PECAM1: variants seen among roughly 807,000 people sequenced by gnomAD.
PECAM1 encodes the protein platelet endothelial cell adhesion molecule.
PECAM1 carries 8 observed loss-of-function variants against 13.8 expected under a neutral mutation model. The observed-to-expected ratio is 0.58, with a 90% CI of 0.34 to 1.05. PECAM1 has a LOEUF of 1.05. Among genes scored for constraint, PECAM1 ranks in the 50% least tolerant of loss-of-function variants. The pLI, the probability that PECAM1 is intolerant of heterozygous loss-of-function variation, is 0.03. For missense variants in PECAM1, 304 were observed against 141.2 expected (o/e 2.15, Z -5.84); for synonymous variants, 136 against 52.6 (o/e 2.58, Z -6.86).
rs974023285 is a variant in PECAM1, at chr17:64,390,786, T to C, written c.-121A>G. The C allele has an allele frequency of 1.1e-3, 451 of 399,178 alleles. 3 individuals are homozygous for C. Among genetic ancestry groups the C allele is most frequent in the African/African-American group, 8.6e-3 (421 of 48,760 alleles). 24.7% of individuals were successfully genotyped at this position (399,178 alleles called of 1,614,324 possible). ...GCCCTGTGAAAAGCAGAAATTGCTC[T>C]GGTCACTTCTCCCGGCGCCTGCAGA... On this transcript the variant is annotated 5_prime_UTR_variant, in exon 1 of 16. Coordinates refer to ENST00000563924, the MANE Select transcript of PECAM1 (RefSeq NM_000442.5).
At chr17:64,373,151 A>T (rs1233779265) in intron 4 of PECAM1, among the ~76,000 whole-genome samples, 7 of 150,152 alleles carry the variant, frequency 4.7e-5, no homozygotes, top group South Asian at 2.1e-4. Context: ...AAATAAAAAA[A>T]AAAGAAAATG....
At position 64,341,643 on chromosome 17, in the gene PECAM1, C is replaced by A; in HGVS notation, c.2155G>T (p.Ala719Ser). ...GGAGACCCTCACTCACCAGGGACAG[C>A]TTTCCGGACTTCACTGTACACTGTC... ...TETVYSEVRK[A>S]VPDAVESRYS... The change falls in exon 14 of 16, where the codon GCT becomes TCT. Residue 719 changes from alanine (A) to serine (S), a missense_variant. By Grantham distance (99) the Ala-to-Ser change is moderately conservative (BLOSUM62 1). Transcript: ENST00000563924. 2.2e-6 allele frequency: 1 copy of A among 453,606 alleles called. No homozygotes were observed. The highest frequency in any genetic ancestry group is 3.5e-5 in the Admixed American group (1 of 28,554). The allele number at this position is 453,606 out of a possible 1,614,324, so 28.1% of individuals were successfully genotyped here. A position where few individuals can be genotyped will look rare whatever the true frequency, so the allele number is the denominator to read the frequency against.
chr17:64,355,644 G>C (rs2035828947), intron 8 of PECAM1, among the ~76,000 whole-genome samples: 1 of 152,178 alleles, frequency 6.6e-6, no homozygotes, highest in Non-Finnish European at 1.5e-5. Flanking sequence ...ACTTTTTGTA[G>C]AGACAGGGTT....
At chr17:64,373,421 A>G (rs1037265302) in intron 4 of PECAM1, among the ~76,000 whole-genome samples, 119 of 152,070 alleles carry the variant, frequency 7.8e-4, no homozygotes, top group African/African-American at 2.8e-3. Flanking sequence ...ATAGATCTAT[A>G]TTTCTTCATA....
intron 2 of PECAM1, among the ~76,000 whole-genome samples, chr17:64,382,228 T>A (rs1343589389): frequency 6.6e-6 from 1 of 152,160 alleles, no homozygotes; most frequent in Non-Finnish European, 1.5e-5. Flanking sequence ...CTTCAGTACT[T>A]CCTCCTTCAT....
intron 5 of PECAM1, among the ~76,000 whole-genome samples, chr17:64,363,649 A>G (rs958515430): frequency 1.1e-4 from 17 of 152,162 alleles, no homozygotes; most frequent in African/African-American, 4.1e-4. Flanking sequence ...AGGATTAGAA[A>G]AGTTTTGCAA....
chr17:64,389,211 C>G (rs1302764517), intron 2 of PECAM1, among the ~76,000 whole-genome samples: 2 of 152,186 alleles, frequency 1.3e-5, no homozygotes, highest in Non-Finnish European at 2.9e-5. Context: ...CTCCAAAGAG[C>G]TGTGCAATTT....
In PECAM1 at chr17:64,374,653, G is replaced by A. The variant is rs989535457; in HGVS notation, c.691+398C>T. On this transcript the variant is annotated intron_variant, in intron 4 of 15. Coordinates refer to ENST00000563924, the MANE Select transcript of PECAM1 (RefSeq NM_000442.5). ...ACAAAAATTAGTCAGGTGTGGTGCT[G>A]CATGCCTGTAATCCCAGCTACTCCA... 7.3e-5 allele frequency among the ~76,000 whole-genome samples: 11 copies of A among 151,238 alleles called. No individual in the cohort carries two copies. In the East Asian group the frequency reaches 2.0e-3, roughly 27 times the overall value.
intron 15 of PECAM1, among the ~76,000 whole-genome samples, chr17:64,328,239 C>G (rs528444646): frequency 6.4e-4 from 97 of 150,556 alleles, no homozygotes; most frequent in African/African-American, 2.3e-3. Context: ...TGGGTGGACC[C>G]AGCCATGTTT....
chr17:64,376,853 G>A (rs891780866), intron 3 of PECAM1, among the ~76,000 whole-genome samples: 3 of 152,160 alleles, frequency 2.0e-5, no homozygotes, highest in Non-Finnish European at 2.9e-5. Flanking sequence ...GCGCGTGCCT[G>A]TAATCCCAGT....
Position 64,329,823 on chromosome 17 carries a change from G to A in PECAM1, c.2165-101C>T. On this transcript the variant is annotated intron_variant, in intron 14 of 15. Coordinates refer to ENST00000563924, the MANE Select transcript of PECAM1 (RefSeq NM_000442.5). ...CAGGAGCAGGTCGAGAAAAGAGGGA[G>A]GAGGCGAGAGCCAGGAGACATCAGC... The A allele has an allele frequency of 4.2e-6, 3 of 719,126 alleles. No homozygotes were observed. In the South Asian group the frequency reaches 4.4e-5, roughly 11 times the overall value. 44.5% of individuals were successfully genotyped at this position (719,126 alleles called of 1,614,324 possible).
chr17:64,323,904 C>T (rs782803697), intron 15 of PECAM1, 59 bp from the exon 16 acceptor site: 7 of 790,072 alleles, frequency 8.9e-6, no homozygotes, highest in Middle Eastern at 4.5e-4. Flanking sequence ...GAAGATTGCC[C>T]TGGTGGAGAG....
At position 64,363,096 on chromosome 17, in the gene PECAM1, C is replaced by T. The variant is rs908629929; in HGVS notation, c.1216+53G>A. The T allele has an allele frequency of 5.7e-4, 269 of 474,772 alleles. 2 individuals carry two copies. The highest frequency in any genetic ancestry group is 4.1e-3 in the African/African-American group (207 of 50,642). 29.4% of individuals were successfully genotyped at this position (474,772 alleles called of 1,614,324 possible). ...GAGGGCGGCAGCTGCAGATAAATTT[C>T]CTTTCTCCCATTCAACCCTGGATGT... On this transcript the variant is annotated intron_variant, in intron 6 of 15. Transcript: ENST00000563924.
intron 2 of PECAM1, chr17:64,378,895 T>C (rs1050158956): frequency 2.6e-5 from 4 of 152,260 alleles, no homozygotes; most frequent in Non-Finnish European, 1.5e-5. Flanking sequence ...ATACATTAAG[T>C]GCTTAATAAA....
At chr17:64,348,404 TTTC>T in intron 12 of PECAM1, 82 bp from the exon 13 acceptor site, 1 of 415,196 alleles carries the variant, frequency 2.4e-6, no homozygotes, top group East Asian at 3.4e-5. Flanking sequence ...GAGACTTTCT[TTTC>T]TTTTTTTTTT....
chr17:64,322,739 G>A lies in PECAM1; in HGVS notation c.*1077C>T, dbSNP rs908668435. On this transcript the variant is annotated 3_prime_UTR_variant, in exon 16 of 16. Transcript: ENST00000563924. ...TTTTGTTTTTTGTTTTTTTTGAGAT[G>A]GATTCTCACTCTGTCACTCAGGCTG... is the stretch of plus-strand genomic sequence containing the variant. The A allele has an allele frequency of 1.4e-5, 13 of 936,904 alleles. No homozygotes were observed. The highest frequency in any genetic ancestry group is 5.4e-4 in the Middle Eastern group (1 of 1,844). 58.0% of individuals were successfully genotyped at this position (936,904 alleles called of 1,614,324 possible).
chr17:64,330,381 G>T (rs1471820236), intron 14 of PECAM1, among the ~76,000 whole-genome samples: 2 of 151,806 alleles, frequency 1.3e-5, no homozygotes, highest in Non-Finnish European at 2.9e-5. Context: ...GGTGGCTCAT[G>T]CCTGTAATCC....
intron 3 of PECAM1, among the ~76,000 whole-genome samples, chr17:64,376,697 G>A (rs917581594): frequency 3.3e-5 from 5 of 152,184 alleles, no homozygotes; most frequent in Admixed American, 1.3e-4. Flanking sequence ...TTTGTGGACC[G>A]GGCATGGTGG....
At chr17:64,383,503 G>C (rs2036527630) in intron 2 of PECAM1, among the ~76,000 whole-genome samples, 1 of 152,106 alleles carries the variant, frequency 6.6e-6, no homozygotes, top group Non-Finnish European at 1.5e-5. Context: ...AAACATTTAA[G>C]GGGGTTTTTC....
Sources: gnomAD v4.1 joint callset for allele counts (sites outside exome capture counted in the v4.1 genomes callset) on GRCh38, gnomAD v4.1.1 for gene constraint, MANE v1.5 for transcripts, NCBI Gene and HGNC (gene_info 2026-07-23, HGNC 2026-07-21) for gene names.